CHD3: variants seen among roughly 807,000 people sequenced by gnomAD.
CHD3 encodes chromodomain helicase DNA binding protein 3, also known as ATP-dependent chromatin remodeler CHD3.
Under a neutral mutation model 248.9 loss-of-function variants are expected in CHD3, and 52 were observed. That is an observed-to-expected ratio of 0.21 (90% CI 0.17 to 0.26). The LOEUF is 0.26. Ranked by LOEUF, CHD3 falls within the 10% of genes least tolerant of loss-of-function variation. The pLI is 1.00. For synonymous variants in CHD3, 985 were observed against 985.2 expected (o/e 1.00, Z 0.00); for missense variants, 1,482 against 2,605.8 (o/e 0.57, Z 9.39).
rs1970821518 is a variant in CHD3, at chr17:7,905,515, A to T, written c.4139-106A>T. 5.9e-6 allele frequency: 5 copies of T among 853,244 alleles called. No homozygotes were observed. The highest frequency in any genetic ancestry group is 5.4e-6 in the Non-Finnish European group (3 of 552,690). The allele number at this position is 853,244 out of a possible 1,614,324, so 52.9% of individuals were successfully genotyped here. A position where few individuals can be genotyped will look rare whatever the true frequency, so the allele number is the denominator to read the frequency against. Reference sequence around the variant, plus strand: ...GAGAATTGGGAGCACCTCAAACGTGACAGGAATGTTCCTGTGTTGTGTATC... The same window carrying T: ...GAGAATTGGGAGCACCTCAAACGTGTCAGGAATGTTCCTGTGTTGTGTATC... On this transcript the variant is annotated intron_variant, in intron 26 of 39. Coordinates refer to ENST00000330494, the MANE Select transcript of CHD3 (RefSeq NM_001005273.3). The surrounding 1 kb of genome is among the most constrained non-coding windows in gnomAD (Gnocchi z 5.8).
At position 7,903,099 on chromosome 17, in the gene CHD3, C is replaced by T. The variant is rs757633867; in HGVS notation, c.3495+38C>T. 5 of 1,601,012 alleles carry T rather than the reference C, an allele frequency of 3.1e-6. No homozygotes were observed. The South Asian group carries it at 4.4e-5, about 14-fold the overall frequency. On this transcript the variant is annotated intron_variant, in intron 22 of 39. Coordinates refer to ENST00000330494, the MANE Select transcript of CHD3 (RefSeq NM_001005273.3). This position sits in a 1 kb window ranked among gnomAD's most constrained non-coding sequence, Gnocchi z 6.8. ...ATCCTAGAACCCCTGCACCATTTAGCAAGGAGATGTGGGTTCATGGAGGAG... is the reference window on the plus strand; with the variant it reads ...ATCCTAGAACCCCTGCACCATTTAGTAAGGAGATGTGGGTTCATGGAGGAG...
In CHD3 at chr17:7,910,185, G is replaced by A. The variant is rs917472974; in HGVS notation, c.5591-243G>A. On this transcript the variant is annotated intron_variant, in intron 37 of 39. Coordinates refer to ENST00000330494, the MANE Select transcript of CHD3 (RefSeq NM_001005273.3). The surrounding 1 kb of genome is among the most constrained non-coding windows in gnomAD (Gnocchi z 4.7). Reference sequence around the variant, plus strand: ...TTTTCTTTCTTCTTTCTCTCCATCTGTCTTCTGTGGTAATCTGGTCTCTCT... The same window carrying A: ...TTTTCTTTCTTCTTTCTCTCCATCTATCTTCTGTGGTAATCTGGTCTCTCT... 8 of 538,400 alleles carry A rather than the reference G, an allele frequency of 1.5e-5. No homozygotes were observed. Among genetic ancestry groups the A allele is most frequent in the Admixed American group, 1.1e-4 (3 of 27,880 alleles). 33.4% of individuals were successfully genotyped at this position (538,400 alleles called of 1,614,324 possible).
chr17:7,908,108 C>T lies in CHD3; in HGVS notation c.5152+89C>T. 6.9e-7 allele frequency: 1 copy of T among 1,445,482 alleles called. No homozygotes were observed. The highest frequency in any genetic ancestry group is 9.3e-7 in the Non-Finnish European group (1 of 1,069,636). The allele number at this position is 1,445,482 out of a possible 1,614,324, so 89.5% of individuals were successfully genotyped here. ...CGTTTTGCCTGAGGCTTCCTGCTAC[C>T]TTTAATTCCAAGTAACTTCCAATGA... On this transcript the variant is annotated intron_variant, in intron 34 of 39. Coordinates refer to ENST00000330494, the MANE Select transcript of CHD3 (RefSeq NM_001005273.3). This position sits in a 1 kb window ranked among gnomAD's most constrained non-coding sequence, Gnocchi z 5.8.
intron 10 of CHD3, among the ~76,000 whole-genome samples, chr17:7,896,838 T>C (rs532314909): frequency 2.0e-5 from 3 of 152,296 alleles, no homozygotes; most frequent in African/African-American, 7.2e-5. Flanking sequence ...TCTGTATTTT[T>C]AGTAGAGACG....
Position 7,904,066 on chromosome 17 carries a change from A to C in CHD3, c.3894+75A>C. On this transcript the variant is annotated intron_variant, in intron 24 of 39. Transcript: ENST00000330494. The surrounding 1 kb of genome is among the most constrained non-coding windows in gnomAD (Gnocchi z 4.4). ...AGGCAGTATCCTTTACTCAGCCTTG[A>C]AGTAGGAGGGTCTGTCCCCCTTAAA... 6.7e-7 allele frequency: 1 copy of C among 1,501,120 alleles called. No homozygotes were observed. The highest frequency in any genetic ancestry group is 1.8e-5 in the Admixed American group (1 of 56,062). 93.0% of individuals were successfully genotyped at this position (1,501,120 alleles called of 1,614,324 possible).
upstream of CHD3, among the ~76,000 whole-genome samples, chr17:7,885,696 G>A (rs36123982): frequency 0.028 from 4,249 of 152,226 alleles, 216 homozygotes; most frequent in African/African-American, 0.097. Flanking sequence ...AGGCAGAGTG[G>A]GGACGGTGTC....
chr17:7,910,691 C>A lies in CHD3; in HGVS notation c.5754+100C>A. ...AATCCTATACAATATGGAAAAACAA[C>A]TTGCTAGAACACAGTCATCACCCTT... On this transcript the variant is annotated intron_variant, in intron 38 of 39. Coordinates refer to ENST00000330494, the MANE Select transcript of CHD3 (RefSeq NM_001005273.3). The surrounding 1 kb of genome is among the most constrained non-coding windows in gnomAD (Gnocchi z 4.7). 6.6e-7 allele frequency: 1 copy of A among 1,515,022 alleles called. No homozygotes were observed. Among genetic ancestry groups the A allele is most frequent in the Non-Finnish European group, 8.9e-7 (1 of 1,125,474 alleles). 93.8% of individuals were successfully genotyped at this position (1,515,022 alleles called of 1,614,324 possible).
upstream of CHD3, among the ~76,000 whole-genome samples, chr17:7,885,500 T>C (rs1193055614): frequency 1.3e-5 from 2 of 149,972 alleles, no homozygotes; most frequent in Non-Finnish European, 3.0e-5. Flanking sequence ...GCCCCCTCCC[T>C]GGCCGAGCGA....
intron 10 of CHD3, 84 bp from the exon 11 acceptor site, chr17:7,896,999 C>T: frequency 2.6e-6 from 3 of 1,138,084 alleles, no homozygotes; most frequent in Middle Eastern, 2.2e-4. Flanking sequence ...CTGTCCCATT[C>T]CTCCTGCCGG....
At chr17:7,891,239 C>T (rs1452570642) in intron 4 of CHD3, among the ~76,000 whole-genome samples, 175 bp downstream of exon 4, 2 of 152,128 alleles carry the variant, frequency 1.3e-5, no homozygotes, top group Admixed American at 1.3e-4. Context: ...GATCCAAGAA[C>T]CCCAGTTGAG....
Position 7,908,410 on chromosome 17 carries a change from A to G in CHD3, c.5161A>G (p.Thr1721Ala). The G allele has an allele frequency of 6.2e-7, 1 of 1,613,104 alleles. No homozygotes were observed. The highest frequency in any genetic ancestry group is 8.5e-7 in the Non-Finnish European group (1 of 1,179,456). ...TGCTGCCTTCTTTGCAGAGCTTCAC[A>G]CACTGTGGCAGAATGAGGAACGGGC... ...IADGGFTELH[T>A]LWQNEERAAI... is the part of the protein sequence containing the mutation. Residue 1721 changes from threonine to alanine, a missense_variant, in exon 35 of 40, where the codon ACA (threonine) becomes GCA (alanine). Physicochemically the swap from Thr to Ala is moderately conservative, Grantham distance 58. This residue lies in a region of CHD3 where 36 missense variants were observed against 70.4 expected (regional missense o/e 0.51). Transcript: ENST00000330494. The surrounding 1 kb of genome is among the most constrained non-coding windows in gnomAD (Gnocchi z 5.8).
In CHD3 at chr17:7,903,609, G is replaced by A; in HGVS notation, c.3727+106G>A. On this transcript the variant is annotated intron_variant, in intron 23 of 39. Coordinates refer to ENST00000330494, the MANE Select transcript of CHD3 (RefSeq NM_001005273.3). The surrounding 1 kb of genome is among the most constrained non-coding windows in gnomAD (Gnocchi z 6.8). ...ACAACTCTTCTCTGCAGCCTTTGAA[G>A]GAAGGAGAGCCTTCTTTTAGTAGCC... 9.1e-7 allele frequency: 1 copy of A among 1,095,396 alleles called. No homozygotes were observed. Among genetic ancestry groups the A allele is most frequent in the Non-Finnish European group, 1.3e-6 (1 of 762,242 alleles). The allele number at this position is 1,095,396 out of a possible 1,614,324, so 67.9% of individuals were successfully genotyped here.
Position 7,895,457 on chromosome 17 carries a change from C to T in CHD3, c.1622C>T (p.Pro541Leu), listed in dbSNP as rs777856397. Residue 541 changes from proline to leucine, a missense_variant, in exon 10 of 40, where the codon CCT becomes CTT. Pro to Leu is a moderately conservative substitution (Grantham distance 98). Coordinates refer to ENST00000330494, the MANE Select transcript of CHD3 (RefSeq NM_001005273.3). The surrounding 1 kb of genome is among the most constrained non-coding windows in gnomAD (Gnocchi z 4.9). ...AATCCAGATGTCCCACCCCCCCGTC[C>T]TCTTCAAGGCAGATCAGAGCGAGAG... ...DGNPDVPPPR[P>L]LQGRSEREFF... 6 of 1,614,050 alleles carry T rather than the reference C, an allele frequency of 3.7e-6. No individual in the cohort carries two copies. The South Asian group carries it at 4.4e-5, about 12-fold the overall frequency.
At chr17:7,886,015 T>TGG (rs34320313), upstream of CHD3, among the ~76,000 whole-genome samples, 2,700 of 151,750 alleles carry the variant, frequency 0.018, 137 homozygotes, top group East Asian at 0.19. This position sits in a 1 kb window ranked among gnomAD's most constrained non-coding sequence, Gnocchi z 4.2. Flanking sequence ...TCAAGTGCGG[T>TGG]GGGGGGGGTC....
chr17:7,893,597 A>G (rs759730647), intron 5 of CHD3, 28 bp downstream of exon 5: 8 of 1,542,570 alleles, frequency 5.2e-6, no homozygotes, highest in Non-Finnish European at 6.1e-6. Flanking sequence ...AACAACTGTC[A>G]TCTCACCTTC....
upstream of CHD3, among the ~76,000 whole-genome samples, chr17:7,888,370 A>G (rs1968318771): frequency 6.6e-6 from 1 of 152,160 alleles, no homozygotes; most frequent in Admixed American, 6.5e-5. Flanking sequence ...GGAAGGAGAA[A>G]GGATTGTGTG....
Position 7,905,340 on chromosome 17 carries a change from G to T in CHD3, c.4138+175G>T. 1 of 668,332 alleles carries T rather than the reference G, an allele frequency of 1.5e-6. No homozygotes were observed. Among genetic ancestry groups the T allele is most frequent in the Non-Finnish European group, 2.7e-6 (1 of 372,632 alleles). The allele number at this position is 668,332 out of a possible 1,614,324, so 41.4% of individuals were successfully genotyped here. ...AGTCTCTCTGCTAGTAAACTTCGGT[G>T]TGTGTGACCACATAGGCTAGATCCA... On this transcript the variant is annotated intron_variant, in intron 26 of 39. Coordinates refer to ENST00000330494, the MANE Select transcript of CHD3 (RefSeq NM_001005273.3). The surrounding 1 kb of genome is among the most constrained non-coding windows in gnomAD (Gnocchi z 5.8).
rs1224309188 is a variant in CHD3, at chr17:7,897,165, C to T, written c.1790C>T (p.Ser597Phe). 7.4e-6 allele frequency: 12 copies of T among 1,614,016 alleles called. No homozygotes were observed. Among genetic ancestry groups the T allele is most frequent in the Non-Finnish European group, 1.0e-5 (12 of 1,180,028 alleles). Reference sequence around the variant, plus strand: ...GAGCCCCCACCCCTGGACTATGGCTCCGGCGAGGATGATGGGAAGAGCGAC... The same window carrying T: ...GAGCCCCCACCCCTGGACTATGGCTTCGGCGAGGATGATGGGAAGAGCGAC... Reference protein sequence around the residue: ...MDEPPPLDYGSGEDDGKSDKR... With the variant: ...MDEPPPLDYGFGEDDGKSDKR... The change falls in exon 11 of 40, where the codon TCC (serine) becomes TTC (phenylalanine). Residue 597 changes from serine to phenylalanine, a missense_variant. Around this residue, in one of 20 missense-constraint regions of CHD3, gnomAD observed 127 missense variants for 188.3 expected, o/e 0.67. Transcript: ENST00000330494. The surrounding 1 kb of genome is among the most constrained non-coding windows in gnomAD (Gnocchi z 4.8).
At chr17:7,898,877 G>C (rs895170494) in intron 13 of CHD3, 134 bp from the exon 14 acceptor site, 1 of 821,036 alleles carries the variant, frequency 1.2e-6, no homozygotes, top group Non-Finnish European at 2.0e-6. Flanking sequence ...GACTAGATGT[G>C]AGAACTTTTG....
Sources: gnomAD v4.1 joint callset for allele counts (sites outside exome capture counted in the v4.1 genomes callset) on GRCh38, gnomAD v4.1.1 for gene constraint, gnomAD v4.1.1 regional missense constraint, Gnocchi (gnomAD v3.1) non-coding constraint, MANE v1.5 for transcripts, NCBI Gene and HGNC (gene_info 2026-07-23, HGNC 2026-07-21) for gene names.